ARHGAP24: variants seen among roughly 807,000 people sequenced by gnomAD.
ARHGAP24 encodes rho GTPase-activating protein 24.
ARHGAP24 carries 50 observed loss-of-function variants against 76.4 expected under a neutral mutation model. That is an observed-to-expected ratio of 0.65 (90% CI 0.52 to 0.83). The LOEUF (loss-of-function observed/expected upper bound fraction) is 0.83. ARHGAP24 is among the 40% of genes least tolerant of loss of function. The probability of loss-of-function intolerance (pLI) is 0.00; values close to 1 mark genes in which losing one functional copy is unlikely to be tolerated. For missense variants in ARHGAP24, 930 were observed against 914.2 expected (o/e 1.02, Z -0.22); for synonymous variants, 345 against 323.3 (o/e 1.07, Z -0.72).
intron 3 of ARHGAP24, among the ~76,000 whole-genome samples, chr4:85,807,157 C>T (rs1003452519): frequency 6.6e-6 from 1 of 152,162 alleles, no homozygotes; most frequent in East Asian, 1.9e-4. Context: ...ATGTGCAGAA[C>T]GTGCAGGTGT....
At chr4:85,914,225 G>T (rs1735242368) in intron 3 of ARHGAP24, among the ~76,000 whole-genome samples, 1 of 152,194 alleles carries the variant, frequency 6.6e-6, no homozygotes, top group Non-Finnish European at 1.5e-5. Flanking sequence ...AATAAGACAT[G>T]AATACAAGCT....
chr4:85,823,260 T>C (rs1481095893), intron 3 of ARHGAP24, among the ~76,000 whole-genome samples: 1 of 152,204 alleles, frequency 6.6e-6, no homozygotes, highest in Non-Finnish European at 1.5e-5. Flanking sequence ...TTTCTATATA[T>C]TGAATATTTA....
chr4:85,560,502 C>T (rs376215552), intron 1 of ARHGAP24, among the ~76,000 whole-genome samples: 46 of 152,226 alleles, frequency 3.0e-4, no homozygotes, highest in African/African-American at 1.0e-3. Flanking sequence ...TCCCAATATA[C>T]ACATCATTTT....
intron 1 of ARHGAP24, among the ~76,000 whole-genome samples, chr4:85,505,584 G>A (rs1191369711): frequency 6.6e-6 from 1 of 152,052 alleles, no homozygotes; most frequent in Non-Finnish European, 1.5e-5. Context: ...GGTCATTTAA[G>A]GTCTTCTCTA....
chr4:85,826,971 T>C lies in ARHGAP24; in HGVS notation c.269-96677T>C, dbSNP rs75372387. On this transcript the variant is annotated intron_variant, in intron 3 of 9. Transcript: ENST00000395184. Reference sequence around the variant, plus strand: ...ACTTGCAAGATTAAAAATTGTTCCTTCTCCACTTCTAAGAAGATCAAAATA... The same window carrying C: ...ACTTGCAAGATTAAAAATTGTTCCTCCTCCACTTCTAAGAAGATCAAAATA... Among the ~76,000 whole-genome samples the C allele has an allele frequency of 2.9e-3, 447 of 152,308 alleles. 1 individual carries two copies. Among genetic ancestry groups the C allele is most frequent in the African/African-American group, 0.01 (429 of 41,578 alleles).
At chr4:85,728,046 C>A (rs1725235118) in intron 3 of ARHGAP24, among the ~76,000 whole-genome samples, 2 of 151,876 alleles carry the variant, frequency 1.3e-5, no homozygotes, top group Admixed American at 1.3e-4. Flanking sequence ...ATTTATCCTA[C>A]CTTTAGCCAC....
chr4:85,740,243 G>A (rs71599426), intron 3 of ARHGAP24, among the ~76,000 whole-genome samples: 19,954 of 148,202 alleles, frequency 0.13, 1,594 homozygotes, highest in Non-Finnish European at 0.19. Flanking sequence ...TTTTTTAGAC[G>A]GAGTGTTCCT....
At chr4:85,527,158 A>G (rs896916585) in intron 1 of ARHGAP24, among the ~76,000 whole-genome samples, 23 of 152,164 alleles carry the variant, frequency 1.5e-4, no homozygotes, top group Non-Finnish European at 2.9e-4. Flanking sequence ...AAGAAGGAAT[A>G]GTTCAAGGGA....
intron 2 of ARHGAP24, among the ~76,000 whole-genome samples, chr4:85,690,262 GA>G (rs1052902200): frequency 2.0e-4 from 30 of 151,370 alleles, no homozygotes; most frequent in South Asian, 1.3e-3. Flanking sequence ...AGAAATAAAA[GA>G]AAAAAAAATT....
At position 85,919,034 on chromosome 4, in the gene ARHGAP24, C is replaced by A. The variant is rs541641904; in HGVS notation, c.269-4614C>A. On this transcript the variant is annotated intron_variant, in intron 3 of 9. Transcript: ENST00000395184. Reference sequence around the variant, plus strand: ...AGAAAGTAGAATGTGTACTTGTTCACGTAACATGAATATAATGTGATATAA... The same window carrying A: ...AGAAAGTAGAATGTGTACTTGTTCAAGTAACATGAATATAATGTGATATAA... 3.9e-5 allele frequency among the ~76,000 whole-genome samples: 6 copies of A among 152,162 alleles called. 1 individual carries two copies. The Middle Eastern group carries it at 0.02, about 518-fold the overall frequency.
chr4:85,867,278 T>C (rs1732248174), intron 3 of ARHGAP24, among the ~76,000 whole-genome samples: 1 of 152,154 alleles, frequency 6.6e-6, no homozygotes, highest in Non-Finnish European at 1.5e-5. Flanking sequence ...TTCTTCTAAA[T>C]GTCATAGCTA....
chr4:85,686,532 AT>A (rs1055299970), intron 2 of ARHGAP24: 30 of 152,156 alleles, frequency 2.0e-4, no homozygotes, highest in African/African-American at 6.5e-4. Flanking sequence ...TCCAAATTAA[AT>A]TCTGGAGAGG....
At position 85,994,724 on chromosome 4, in the gene ARHGAP24, A is replaced by G; in HGVS notation, c.1070A>G (p.Gln357Arg). Residue 357 changes from glutamine to arginine, a missense_variant, in exon 9 of 10, where the codon CAG (glutamine) becomes CGG (arginine). Gln to Arg is a conservative substitution (Grantham distance 43). Coordinates refer to ENST00000395184, the MANE Select transcript of ARHGAP24 (RefSeq NM_001025616.3). ...ATTCAGAAGAAAGCCACCATGGGGC[A>G]GTTACAGAACAAGGAGAACAATAAC... Reference protein sequence around the residue: ...NEIQKKATMGQLQNKENNNTK... With the variant: ...NEIQKKATMGRLQNKENNNTK... The G allele has an allele frequency of 6.2e-7, 1 of 1,614,174 alleles. No homozygotes were observed. Among genetic ancestry groups the G allele is most frequent in the Non-Finnish European group, 8.5e-7 (1 of 1,180,032 alleles).
At chr4:85,513,074 A>C (rs867789063) in intron 1 of ARHGAP24, among the ~76,000 whole-genome samples, 6 of 152,372 alleles carry the variant, frequency 3.9e-5, no homozygotes, top group African/African-American at 4.8e-5. Flanking sequence ...CTGTGGCACA[A>C]CTGTCATTTC....
At chr4:85,538,662 CTT>C (rs1294924089) in intron 1 of ARHGAP24, among the ~76,000 whole-genome samples, 1 of 152,118 alleles carries the variant, frequency 6.6e-6, no homozygotes, top group Non-Finnish European at 1.5e-5. Flanking sequence ...GACTCATTGA[CTT>C]TGAGAATTCT....
At chr4:85,901,481 G>A (rs1008367867) in intron 3 of ARHGAP24, among the ~76,000 whole-genome samples, 3 of 151,948 alleles carry the variant, frequency 2.0e-5, no homozygotes, top group Non-Finnish European at 4.4e-5. Flanking sequence ...TTTGATGTTG[G>A]GTGTTCAGAA....
At chr4:85,825,367 G>T (rs1729663944) in intron 3 of ARHGAP24, among the ~76,000 whole-genome samples, 1 of 152,110 alleles carries the variant, frequency 6.6e-6, no homozygotes, top group Non-Finnish European at 1.5e-5. Flanking sequence ...TTGGTTGAAA[G>T]AACCTGCCAA....
intron 2 of ARHGAP24, among the ~76,000 whole-genome samples, chr4:85,624,315 A>C (rs1325514447): frequency 6.6e-6 from 1 of 152,116 alleles, no homozygotes; most frequent in Non-Finnish European, 1.5e-5. Flanking sequence ...AATTTTGTCA[A>C]AGGCCTTTTC....
intron 8 of ARHGAP24, among the ~76,000 whole-genome samples, chr4:85,982,770 T>C (rs1412818017): frequency 6.6e-6 from 1 of 152,202 alleles, no homozygotes; most frequent in East Asian, 1.9e-4. Flanking sequence ...TGTTTTATTT[T>C]ATTCTATTTT....
Sources: gnomAD v4.1 joint callset for allele counts (sites outside exome capture counted in the v4.1 genomes callset) on GRCh38, gnomAD v4.1.1 for gene constraint, MANE v1.5 for transcripts, NCBI Gene and HGNC (gene_info 2026-07-23, HGNC 2026-07-21) for gene names.